Variants in FHIT observed in about 807,000 individuals in gnomAD.
FHIT encodes fragile histidine triad diadenosine triphosphatase.
Under a neutral mutation model 17.9 loss-of-function variants are expected in FHIT, and 19 were observed. That is an observed-to-expected ratio of 1.06 (90% CI 0.74 to 1.56). FHIT has a LOEUF of 1.56. FHIT is among the 40% of genes most tolerant of loss of function. The pLI, the probability that FHIT is intolerant of heterozygous loss-of-function variation, is 0.00. For missense variants in FHIT, 248 were observed against 189.2 expected (o/e 1.31, Z -1.82); for synonymous variants, 81 against 69.7 (o/e 1.16, Z -0.81).
Position 60,044,324 on chromosome 3 carries a change from T to C in FHIT, c.104-30172A>G, listed in dbSNP as rs531583569. Among the ~76,000 whole-genome samples, 73 of 152,300 alleles carry C rather than the reference T, an allele frequency of 4.8e-4. 1 individual carries two copies. The highest frequency in any genetic ancestry group is 1.5e-3 in the African/African-American group (63 of 41,570). ...TTGATTAACCGTTACCCATTAGTAA[T>C]ATAGAAAGTTGTGAGGCAACGTCTT... is the stretch of plus-strand genomic sequence containing the variant. On this transcript the variant is annotated intron_variant, in intron 5 of 9. Transcript: ENST00000492590.
chr3:60,695,374 C>A (rs879964540), intron 4 of FHIT, among the ~76,000 whole-genome samples: 1 of 151,972 alleles, frequency 6.6e-6, no homozygotes, highest in Non-Finnish European at 1.5e-5. Context: ...CCAGCCTGGG[C>A]GACAGAGTGA....
chr3:60,233,149 T>C (rs565903669), intron 5 of FHIT, among the ~76,000 whole-genome samples: 2 of 152,312 alleles, frequency 1.3e-5, no homozygotes, highest in South Asian at 4.2e-4. Flanking sequence ...TCTATTTTCA[T>C]ATCTTATAAC....
chr3:60,137,880 T>A (rs1315288153), intron 5 of FHIT, among the ~76,000 whole-genome samples: 1 of 152,090 alleles, frequency 6.6e-6, no homozygotes, highest in Non-Finnish European at 1.5e-5. Flanking sequence ...CCTAAATGAA[T>A]ATCCGTTGAA....
chr3:60,254,619 C>A (rs1330004799), intron 5 of FHIT, among the ~76,000 whole-genome samples: 1 of 152,072 alleles, frequency 6.6e-6, no homozygotes, highest in Non-Finnish European at 1.5e-5. Context: ...ACATATATTT[C>A]AATTAATTAG....
intron 3 of FHIT, among the ~76,000 whole-genome samples, chr3:60,843,085 G>A (rs779320018): frequency 1.5e-4 from 23 of 152,118 alleles, no homozygotes; most frequent in Admixed American, 1.2e-3. Flanking sequence ...TCTGTCTGCA[G>A]AAAGTAAGAA....
chr3:60,397,237 A>T (rs552434654), intron 5 of FHIT, among the ~76,000 whole-genome samples: 37 of 152,216 alleles, frequency 2.4e-4, no homozygotes, highest in Non-Finnish European at 4.6e-4. Context: ...GCATTAGCTC[A>T]GGTTCTTTGA....
intron 4 of FHIT, among the ~76,000 whole-genome samples, chr3:60,660,379 A>T (rs4600784): frequency 6.6e-6 from 1 of 152,008 alleles, no homozygotes; most frequent in Non-Finnish European, 1.5e-5. Context: ...TACTCCTGGA[A>T]TCTGTGCAAG....
chr3:60,460,938 G>C (rs955285766), intron 5 of FHIT, among the ~76,000 whole-genome samples: 2 of 152,136 alleles, frequency 1.3e-5, no homozygotes, highest in Non-Finnish European at 2.9e-5. Flanking sequence ...TTAGTCATCA[G>C]TCCCAAACTT....
At chr3:60,182,483 TGCTCAGAGGCCCAGTGG>T (rs1701980199) in intron 5 of FHIT, among the ~76,000 whole-genome samples, 1 of 152,152 alleles carries the variant, frequency 6.6e-6, no homozygotes, top group African/African-American at 2.4e-5. Flanking sequence ...TTTTAAATTT[TGCTCAGAGGCCCAGTGG>T]GCACAGTGGC....
intron 5 of FHIT, among the ~76,000 whole-genome samples, chr3:60,443,884 C>T (rs2031116720): frequency 6.6e-6 from 1 of 152,072 alleles, no homozygotes; most frequent in Non-Finnish European, 1.5e-5. Flanking sequence ...GCAAAAGAAA[C>T]TACCATCAGA....
intron 2 of FHIT, among the ~76,000 whole-genome samples, chr3:61,186,844 C>T (rs2038529832): frequency 6.6e-6 from 1 of 152,192 alleles, no homozygotes; most frequent in South Asian, 2.1e-4. Context: ...TCACCCACTC[C>T]TTACAAGCTG....
intron 5 of FHIT, among the ~76,000 whole-genome samples, chr3:60,354,101 C>A (rs1365629835): frequency 6.6e-6 from 1 of 152,030 alleles, no homozygotes; most frequent in Non-Finnish European, 1.5e-5. Flanking sequence ...GTATGTGATA[C>A]AATAGACTCC....
intron 5 of FHIT, among the ~76,000 whole-genome samples, chr3:60,218,246 ATAC>A (rs1342412009): frequency 5.9e-5 from 9 of 152,170 alleles, no homozygotes; most frequent in African/African-American, 9.6e-5. Context: ...AAAGAATGAG[ATAC>A]TACATTTTAA....
intron 4 of FHIT, among the ~76,000 whole-genome samples, chr3:60,681,487 T>C (rs888841869): frequency 6.6e-6 from 1 of 152,198 alleles, no homozygotes; most frequent in African/African-American, 2.4e-5. Context: ...TCTCTCCCTG[T>C]AGATCAAAAA....
At chr3:60,343,974 T>G (rs903189346) in intron 5 of FHIT, among the ~76,000 whole-genome samples, 2 of 152,188 alleles carry the variant, frequency 1.3e-5, no homozygotes, top group African/African-American at 4.8e-5. Context: ...AGCTCCAATT[T>G]TAAGGATGGC....
At chr3:61,217,508 A>C (rs1294244021) in intron 1 of FHIT, among the ~76,000 whole-genome samples, 1 of 152,122 alleles carries the variant, frequency 6.6e-6, no homozygotes, top group Non-Finnish European at 1.5e-5. Flanking sequence ...GTTCTGAGAG[A>C]AGCTGTATTT....
At chr3:61,210,302 G>A (rs546830710) in intron 1 of FHIT, among the ~76,000 whole-genome samples, 34 of 152,174 alleles carry the variant, frequency 2.2e-4, no homozygotes, top group Middle Eastern at 3.4e-3. Context: ...CTCAAGCTGC[G>A]TGCTGGGAGA....
At chr3:60,169,975 A>C (rs1472912386) in intron 5 of FHIT, among the ~76,000 whole-genome samples, 1 of 152,158 alleles carries the variant, frequency 6.6e-6, no homozygotes, top group Non-Finnish European at 1.5e-5. Context: ...CATGGAATGG[A>C]CCTCTGCTGT....
At chr3:60,396,852 T>A (rs144449942) in intron 5 of FHIT, among the ~76,000 whole-genome samples, 1 of 152,150 alleles carries the variant, frequency 6.6e-6, no homozygotes, top group Non-Finnish European at 1.5e-5. Flanking sequence ...AATTCAAGGA[T>A]ACATATAAAG....
Sources: allele counts gnomAD v4.1 joint callset (sites outside exome capture counted in the v4.1 genomes callset), GRCh38; gene constraint gnomAD v4.1.1; transcripts MANE v1.5; gene names NCBI Gene and HGNC (gene_info 2026-07-23, HGNC 2026-07-21).